Variants in CRISP1 observed in about 807,000 individuals in gnomAD.
CRISP1 encodes the protein cysteine rich secretory protein 1.
A neutral mutation model predicts 33.1 loss-of-function variants in CRISP1; 44 were observed. That is an observed-to-expected ratio of 1.33 (90% confidence interval 1.05 to 1.71). The LOEUF (loss-of-function observed/expected upper bound fraction) is 1.71. Among genes scored for constraint, CRISP1 ranks in the 40% most tolerant of loss-of-function variants. The probability of loss-of-function intolerance (pLI) is 0.00; values close to 1 mark genes in which losing one functional copy is unlikely to be tolerated. For synonymous variants in CRISP1, 103 were observed against 98.7 expected (o/e 1.04, Z -0.26); for missense variants, 390 against 301.2 (o/e 1.29, Z -2.18).
chr6:49,857,982 A>ACCT (rs1180302027), intron 1 of CRISP1, among the ~76,000 whole-genome samples: 2 of 152,136 alleles, frequency 1.3e-5, no homozygotes, highest in African/African-American at 4.8e-5. Context: ...TGAATTTCTG[A>ACCT]CCTCCAGAAC....
Position 49,848,259 on chromosome 6 carries a change from G to GA in CRISP1, c.235dup (p.Ser79PhefsTer5), listed in dbSNP as rs1177767440. 1 of 1,600,190 alleles carries GA rather than the reference G, an allele frequency of 6.2e-7. No individual in the cohort carries two copies. The highest frequency in any genetic ancestry group is 2.3e-5 in the East Asian group (1 of 44,282). On this transcript the variant is annotated frameshift_variant, in exon 4 of 8. Coordinates refer to ENST00000335847, the MANE Select transcript of CRISP1 (RefSeq NM_001131.3). LOFTEE classifies it high-confidence loss of function. ...GCTCTCTGTCATATCACAATACTTT[G>GA]AAAAAATTCTGGCATTTTGTGCAGC...
intron 6 of CRISP1, among the ~76,000 whole-genome samples, chr6:49,839,041 A>G (rs146976392): frequency 3.5e-4 from 54 of 152,274 alleles, no homozygotes; most frequent in African/African-American, 1.2e-3. Flanking sequence ...GAGATGGTGT[A>G]TATAAAAGAT....
At chr6:49,838,609 A>C in intron 6 of CRISP1, 84 bp from the exon 7 acceptor site, 1 of 952,280 alleles carries the variant, frequency 1.1e-6, no homozygotes, top group Non-Finnish European at 1.6e-6. Context: ...ACCAATTTTA[A>C]AAACAAATTG....
chr6:49,846,773 A>C, intron 4 of CRISP1, 105 bp from the exon 5 acceptor site: 1 of 1,096,376 alleles, frequency 9.1e-7, no homozygotes, highest in African/African-American at 1.6e-5. Flanking sequence ...GATCATCTTG[A>C]CAACATCTTC....
At chr6:49,860,144 G>A (rs1043641029) in intron 1 of CRISP1, among the ~76,000 whole-genome samples, 1 of 151,950 alleles carries the variant, frequency 6.6e-6, no homozygotes, top group African/African-American at 2.4e-5. Context: ...ATATCTAAAG[G>A]GAGAGACAAA....
chr6:49,837,592 GA>G (rs1486157045), intron 7 of CRISP1, among the ~76,000 whole-genome samples: 1 of 152,028 alleles, frequency 6.6e-6, no homozygotes, highest in African/African-American at 2.4e-5. Context: ...AGAAACGAGA[GA>G]AAGGTAAAAG....
chr6:49,873,368 C>A (rs1771968683), intron 1 of CRISP1, among the ~76,000 whole-genome samples: 1 of 151,820 alleles, frequency 6.6e-6, no homozygotes. Flanking sequence ...AAACTAAATG[C>A]CATTTAATTT....
Position 49,865,713 on chromosome 6 carries a change from C to A in CRISP1, c.-3+716G>T, listed in dbSNP as rs188763698. The stretch of plus-strand genomic sequence containing the variant: ...AAAGGGAGTGAGGGAGCAGGAAGGG[C>A]CCAAAGGGAAGTTGAGGAGGGCTGA... On this transcript the variant is annotated intron_variant, in intron 1 of 7. Coordinates refer to ENST00000335847, the MANE Select transcript of CRISP1 (RefSeq NM_001131.3). Among the ~76,000 whole-genome samples the A allele has an allele frequency of 2.1e-3, 323 of 152,004 alleles. 1 individual carries two copies. Among genetic ancestry groups the A allele is most frequent in the Non-Finnish European group, 3.5e-3 (236 of 67,958 alleles).
intron 5 of CRISP1, among the ~76,000 whole-genome samples, chr6:49,843,826 G>A (rs1771071771): frequency 6.6e-6 from 1 of 152,168 alleles, no homozygotes. Context: ...CTATTTTGTT[G>A]TGGTCTCAGA....
chr6:49,863,695 G>A (rs1369167209), intron 1 of CRISP1, among the ~76,000 whole-genome samples: 2 of 152,286 alleles, frequency 1.3e-5, no homozygotes, highest in South Asian at 2.1e-4. Context: ...GGACAACTGG[G>A]TACTGCCCTA....
intron 3 of CRISP1, among the ~76,000 whole-genome samples, chr6:49,851,418 A>T (rs1433779906): frequency 6.6e-6 from 1 of 152,186 alleles, no homozygotes; most frequent in Non-Finnish European, 1.5e-5. Flanking sequence ...TAGCAGGTTT[A>T]TAATGAAATA....
At chr6:49,875,700 T>C (rs373069004) in intron 1 of CRISP1, among the ~76,000 whole-genome samples, 3 of 151,834 alleles carry the variant, frequency 2.0e-5, no homozygotes, top group East Asian at 3.9e-4. Context: ...CAAGAACAGA[T>C]ACATAGACCA....
chr6:49,850,250 T>TAATAA (rs1243076996), intron 3 of CRISP1, among the ~76,000 whole-genome samples: 2 of 151,798 alleles, frequency 1.3e-5, no homozygotes, highest in African/African-American at 4.8e-5. Flanking sequence ...AGTATAATAA[T>TAATAA]AATAAAATAA....
At chr6:49,837,901 TA>T (rs56006658) in intron 7 of CRISP1, among the ~76,000 whole-genome samples, 7,456 of 143,984 alleles carry the variant, frequency 0.052, 513 homozygotes, top group African/African-American at 0.16. Flanking sequence ...TTCAAGAAAT[TA>T]AAAAAAAAAA....
At chr6:49,843,124 T>G (rs1385958462) in intron 5 of CRISP1, among the ~76,000 whole-genome samples, 1 of 152,196 alleles carries the variant, frequency 6.6e-6, no homozygotes, top group African/African-American at 2.4e-5. Flanking sequence ...TTGACTTATA[T>G]AGGAAATAGA....
At chr6:49,854,116 G>A (rs1210001900) in intron 2 of CRISP1, among the ~76,000 whole-genome samples, 1 of 152,100 alleles carries the variant, frequency 6.6e-6, no homozygotes, top group Non-Finnish European at 1.5e-5. Context: ...CCATCAGAGG[G>A]CAGCTGCTTC....
chr6:49,872,713 A>G (rs1771953531), intron 1 of CRISP1, among the ~76,000 whole-genome samples: 1 of 151,940 alleles, frequency 6.6e-6, no homozygotes, highest in African/African-American at 2.4e-5. Flanking sequence ...ATAGTTGTAG[A>G]TATGCGGCAT....
At chr6:49,847,033 A>G (rs993887082) in intron 4 of CRISP1, among the ~76,000 whole-genome samples, 2 of 152,134 alleles carry the variant, frequency 1.3e-5, no homozygotes, top group African/African-American at 4.8e-5. Context: ...TAATACAAAG[A>G]TGTTGAATAA....
At chr6:49,856,602 C>T (rs1771503863) in intron 2 of CRISP1, among the ~76,000 whole-genome samples, 1 of 152,088 alleles carries the variant, frequency 6.6e-6, no homozygotes, top group Non-Finnish European at 1.5e-5. Context: ...AAACTAAGTG[C>T]CTTTTATTTC....
Sources: allele counts gnomAD v4.1 joint callset (sites outside exome capture counted in the v4.1 genomes callset), GRCh38; gene constraint gnomAD v4.1.1; transcripts MANE v1.5; gene names NCBI Gene and HGNC (gene_info 2026-07-23, HGNC 2026-07-21).